Variants in ZFHX3 observed in about 807,000 individuals in gnomAD.
ZFHX3 encodes zinc finger homeobox 3.
A neutral mutation model predicts 279.1 loss-of-function variants in ZFHX3; 42 were observed. The ratio of observed to expected loss-of-function variants is 0.15; its 90% CI spans 0.12 to 0.19. ZFHX3 has a LOEUF of 0.19. ZFHX3 is among the 10% of genes least tolerant of loss of function. The probability of loss-of-function intolerance (pLI) is 1.00; values close to 1 mark genes in which losing one functional copy is unlikely to be tolerated. For synonymous variants in ZFHX3, 2,293 were observed against 1,957.8 expected (o/e 1.17, Z -4.52); for missense variants, 4,981 against 4,754.0 (o/e 1.05, Z -1.40).
chr16:73,022,564 G>A (rs1223624227), intron 1 of ZFHX3, among the ~76,000 whole-genome samples: 1 of 152,134 alleles, frequency 6.6e-6, no homozygotes, highest in Non-Finnish European at 1.5e-5. Flanking sequence ...CCCAAAGTGT[G>A]ACAACCAAGA....
At chr16:73,321,253 G>A (rs1465289340) in intron 3 of ZFHX3, among the ~76,000 whole-genome samples, 6 of 152,106 alleles carry the variant, frequency 3.9e-5, no homozygotes, top group Non-Finnish European at 5.9e-5. Context: ...GTCCATGTAA[G>A]CAGTACAGGG....
intron 1 of ZFHX3, among the ~76,000 whole-genome samples, chr16:73,011,684 C>G (rs1302078584): frequency 6.6e-6 from 1 of 151,678 alleles, no homozygotes; most frequent in African/African-American, 2.4e-5. Flanking sequence ...TATCATGCCA[C>G]TGCATTCCAG....
intron 1 of ZFHX3, among the ~76,000 whole-genome samples, chr16:73,783,882 C>T (rs1382322742): frequency 6.6e-6 from 1 of 152,166 alleles, no homozygotes; most frequent in Non-Finnish European, 1.5e-5. Flanking sequence ...CTGAGTTTCA[C>T]CTCACCCTGG....
chr16:73,622,650 C>T (rs1394756258), intron 2 of ZFHX3, among the ~76,000 whole-genome samples: 3 of 152,170 alleles, frequency 2.0e-5, no homozygotes, highest in Non-Finnish European at 2.9e-5. Context: ...GAATCAGGTG[C>T]TAGGGCTTTG....
chr16:73,465,457 C>T (rs8063468), intron 2 of ZFHX3, among the ~76,000 whole-genome samples: 5,411 of 152,194 alleles, frequency 0.036, 320 homozygotes, highest in African/African-American at 0.12. Flanking sequence ...CTGCCTCGCC[C>T]GTCTCCTCCT....
rs138844129 is a variant in ZFHX3 at position 73,250,580 on chromosome 16, C to G, written c.-1104+6467G>C. ...ACGGAATCTCGCTCTGTCACCCAGGCTGGGGTGCAGGGGTGCGATCTTGGC... is the reference window on the plus strand; with the variant it reads ...ACGGAATCTCGCTCTGTCACCCAGGGTGGGGTGCAGGGGTGCGATCTTGGC... On this transcript the variant is annotated intron_variant, in intron 5 of 17. Transcript: ENST00000641206. Among the ~76,000 whole-genome samples the G allele has an allele frequency of 6.5e-3, 994 of 152,234 alleles. 12 individuals are homozygous for G. Among genetic ancestry groups the G allele is most frequent in the African/African-American group, 0.023 (955 of 41,540 alleles).
chr16:73,721,995 T>C (rs1037260744), intron 1 of ZFHX3, among the ~76,000 whole-genome samples: 4 of 152,194 alleles, frequency 2.6e-5, no homozygotes, highest in Non-Finnish European at 5.9e-5. Flanking sequence ...CAGTGAGCTG[T>C]GACTGTGTCT....
chr16:73,792,121 T>C (rs1015658245), intron 1 of ZFHX3, among the ~76,000 whole-genome samples: 1 of 152,232 alleles, frequency 6.6e-6, no homozygotes, highest in Non-Finnish European at 1.5e-5. Flanking sequence ...TAACAACATA[T>C]GCTGCCCACA....
chr16:72,873,220 A>T (rs1244673138), intron 4 of ZFHX3, among the ~76,000 whole-genome samples: 1 of 152,208 alleles, frequency 6.6e-6, no homozygotes, highest in Non-Finnish European at 1.5e-5. Context: ...ATTCCCTCAC[A>T]GCAACCAGTA....
intron 2 of ZFHX3, among the ~76,000 whole-genome samples, chr16:73,556,145 A>G (rs1405406890): frequency 6.6e-6 from 1 of 152,176 alleles, no homozygotes; most frequent in African/African-American, 2.4e-5. Flanking sequence ...GGACCTCTGG[A>G]AAGCAACAAT....
chr16:73,779,984 TGGATCCCAAGCCTTTCTA>T (rs138571675), intron 1 of ZFHX3, among the ~76,000 whole-genome samples: 18,241 of 132,870 alleles, frequency 0.14, 2,749 homozygotes, highest in African/African-American at 0.38. Flanking sequence ...CCCAAAGCAC[TGGATCCCAAGCCTTTCTA>T]AGACTTTTTT....
intron 4 of ZFHX3, among the ~76,000 whole-genome samples, chr16:72,884,783 T>C (rs373042673): frequency 6.6e-6 from 1 of 152,186 alleles, no homozygotes. Flanking sequence ...ATCCTACACA[T>C]GACCCACCTC....
intron 1 of ZFHX3, among the ~76,000 whole-genome samples, chr16:73,702,341 G>A (rs575004177): frequency 4.1e-4 from 63 of 152,184 alleles, no homozygotes; most frequent in African/African-American, 1.4e-3. Flanking sequence ...TTGATTGGCA[G>A]CATCAGCACA....
chr16:73,189,660 C>G (rs538575064), intron 5 of ZFHX3, among the ~76,000 whole-genome samples: 26 of 152,334 alleles, frequency 1.7e-4, no homozygotes, highest in African/African-American at 6.3e-4. Flanking sequence ...TTTCTGAGGG[C>G]AGCCCTGGCA....
rs1195015841 is a variant in ZFHX3 at position 73,163,729 on chromosome 16, A to G, written c.-1103-19898T>C. ...GGGTAGCTTTTTAGAGGAAGTGAGG[A>G]ATTAGAGAAAAGTAGAACTTGGACA... On this transcript the variant is annotated intron_variant, in intron 5 of 17. Coordinates refer to the ZFHX3 transcript ENST00000641206. Among the ~76,000 whole-genome samples the G allele has an allele frequency of 3.9e-5, 6 of 152,120 alleles. No homozygotes were observed. The East Asian group carries it at 1.2e-3, about 29-fold the overall frequency.
chr16:73,889,733 C>T (rs1273026860), intron 1 of ZFHX3, among the ~76,000 whole-genome samples: 1 of 152,182 alleles, frequency 6.6e-6, no homozygotes, highest in Non-Finnish European at 1.5e-5. Context: ...TCTCTGTGCC[C>T]TCACCCTTCT....
Position 73,740,752 on chromosome 16 carries a change from C to T in ZFHX3, c.-1607-60512G>A, listed in dbSNP as rs986564584. 4.6e-5 allele frequency among the ~76,000 whole-genome samples: 7 copies of T among 152,292 alleles called. No homozygotes were observed. In the South Asian group the frequency reaches 8.3e-4, roughly 18 times the overall value. On this transcript the variant is annotated intron_variant, in intron 1 of 17. Transcript: ENST00000641206. Reference sequence around the variant, plus strand: ...ACTCAATAGGCAAAGACCTGCCAAGCCCCAGATTCTCGAGTCCATGGTAAA... The same window carrying T: ...ACTCAATAGGCAAAGACCTGCCAAGTCCCAGATTCTCGAGTCCATGGTAAA...
At chr16:73,459,706 G>A (rs1004405119) in intron 2 of ZFHX3, among the ~76,000 whole-genome samples, 4 of 152,118 alleles carry the variant, frequency 2.6e-5, no homozygotes, top group Admixed American at 1.3e-4. Flanking sequence ...CAGCATGGTT[G>A]GGTAGGCCTG....
chr16:73,770,372 C>T (rs901654637), intron 1 of ZFHX3, among the ~76,000 whole-genome samples: 1 of 152,220 alleles, frequency 6.6e-6, no homozygotes, highest in African/African-American at 2.4e-5. Flanking sequence ...AAACAATTTT[C>T]ACCCACGAAG....
Sources: gnomAD v4.1 joint callset for allele counts (sites outside exome capture counted in the v4.1 genomes callset) on GRCh38, gnomAD v4.1.1 for gene constraint, MANE v1.5 for transcripts, NCBI Gene and HGNC (gene_info 2026-07-23, HGNC 2026-07-21) for gene names.